SGTA: variants seen among roughly 807,000 people sequenced by gnomAD.
The protein encoded by SGTA is small glutamine rich tetratricopeptide repeat co-chaperone alpha, also known as small glutamine-rich tetratricopeptide repeat-containing protein alpha.
SGTA carries 22 observed loss-of-function variants against 44.3 expected under a neutral mutation model. That is an observed-to-expected ratio of 0.50 (90% CI 0.36 to 0.71). SGTA has a LOEUF of 0.71. SGTA is among the 30% of genes least tolerant of loss of function. The pLI, the probability that SGTA is intolerant of heterozygous loss-of-function variation, is 0.00. For missense variants in SGTA, 341 were observed against 435.9 expected (o/e 0.78, Z 1.94); for synonymous variants, 174 against 177.6 (o/e 0.98, Z 0.16).
rs1915171604 is a variant in SGTA, at chr19:2,767,247, C to T, written c.208-27G>A. 6.4e-7 allele frequency: 1 copy of T among 1,554,988 alleles called. No individual in the cohort carries two copies. Among genetic ancestry groups the T allele is most frequent in the Middle Eastern group, 2.1e-4 (1 of 4,804 alleles). ...TGGACCCGGAGGCAAAGGCGGCCCG[C>T]TGTCCTCTCCTCCCAACCTGGCACC... On this transcript the variant is annotated intron_variant, in intron 3 of 11. Coordinates refer to ENST00000221566, the MANE Select transcript of SGTA (RefSeq NM_003021.4). The surrounding 1 kb of genome is among the most constrained non-coding windows in gnomAD (Gnocchi z 7.3).
Position 2,763,668 on chromosome 19 carries a change from G to C in SGTA, c.482C>G (p.Ala161Gly). ...AICIDPAYSK[A>G]YGRMGLALSS... ...AGGCACTCACCCCATCCTGCCGTAG[G>C]CCTTGCTGTAGGCCGGGTCAATGCA... The change falls in exon 6 of 12, where the codon GCC becomes GGC. Residue 161 changes from alanine to glycine, a missense_variant. By Grantham distance (60) the Ala-to-Gly change is moderately conservative. Coordinates refer to ENST00000221566, the MANE Select transcript of SGTA (RefSeq NM_003021.4). This position sits in a 1 kb window ranked among gnomAD's most constrained non-coding sequence, Gnocchi z 5.8. 1 of 1,612,954 alleles carries C rather than the reference G, an allele frequency of 6.2e-7. No homozygotes were observed. The highest frequency in any genetic ancestry group is 8.5e-7 in the Non-Finnish European group (1 of 1,179,350).
intron 2 of SGTA, among the ~76,000 whole-genome samples, chr19:2,768,492 C>G (rs1915211542): frequency 6.6e-6 from 1 of 152,176 alleles, no homozygotes; most frequent in South Asian, 2.1e-4. Context: ...TCCCTCCGAG[C>G]CCCGGATCCA....
intron 11 of SGTA, among the ~76,000 whole-genome samples, chr19:2,756,973 G>A (rs1003549419): frequency 6.6e-6 from 1 of 152,146 alleles, no homozygotes; most frequent in Non-Finnish European, 1.5e-5. Flanking sequence ...TGGCAGCCCC[G>A]ACACTGCAGA....
chr19:2,782,292 C>T (rs1280445232), intron 1 of SGTA, among the ~76,000 whole-genome samples: 1 of 151,962 alleles, frequency 6.6e-6, no homozygotes, highest in Non-Finnish European at 1.5e-5. Flanking sequence ...AACCACTGGT[C>T]AAGGGAGGGA....
At position 2,761,566 on chromosome 19, in the gene SGTA, G is replaced by A. The variant is rs1412714481; in HGVS notation, c.637-44C>T. The A allele has an allele frequency of 2.7e-6, 4 of 1,486,098 alleles. No individual in the cohort carries two copies. Among genetic ancestry groups the A allele is most frequent in the Non-Finnish European group, 3.7e-6 (4 of 1,087,924 alleles). The allele number at this position is 1,486,098 out of a possible 1,614,324, so 92.1% of individuals were successfully genotyped here. ...CTGGTTAGTGGGGCCTGGACCAGAG[G>A]CCACGGTGAATAACCCCCTGGAACT... is the stretch of plus-strand genomic sequence containing the variant. On this transcript the variant is annotated intron_variant, in intron 7 of 11. Coordinates refer to ENST00000221566, the MANE Select transcript of SGTA (RefSeq NM_003021.4). The surrounding 1 kb of genome is among the most constrained non-coding windows in gnomAD (Gnocchi z 5.7).
At chr19:2,768,704 G>GA (rs1408742510) in intron 2 of SGTA, among the ~76,000 whole-genome samples, 1 of 152,186 alleles carries the variant, frequency 6.6e-6, no homozygotes, top group Non-Finnish European at 1.5e-5. Context: ...TGGGGAGATG[G>GA]AAAAAAGCCA....
chr19:2,758,952 G>T (rs1222081641), intron 9 of SGTA, among the ~76,000 whole-genome samples: 2 of 152,162 alleles, frequency 1.3e-5, no homozygotes, highest in African/African-American at 4.8e-5. Context: ...GAGACAGGAA[G>T]GGGATGCGTG....
intron 1 of SGTA, among the ~76,000 whole-genome samples, chr19:2,778,722 G>A (rs1915501554): frequency 6.6e-6 from 1 of 152,274 alleles, no homozygotes; most frequent in South Asian, 2.1e-4. Context: ...AACTATGGAG[G>A]ATTGCTTGAG....
At chr19:2,759,750 C>G (rs1914933188) in intron 8 of SGTA, among the ~76,000 whole-genome samples, 1 of 152,114 alleles carries the variant, frequency 6.6e-6, no homozygotes, top group South Asian at 2.1e-4. Flanking sequence ...CGCTTGAGGT[C>G]AGGAGTTCGA....
intron 10 of SGTA, 62 bp from the exon 11 acceptor site, chr19:2,757,519 T>C (rs1336678308): frequency 6.3e-7 from 1 of 1,579,220 alleles, no homozygotes; most frequent in African/African-American, 1.3e-5. Context: ...CCTCCGTCCA[T>C]CCCCAGCTGA....
chr19:2,756,859 A>T (rs1323067203), intron 11 of SGTA, among the ~76,000 whole-genome samples: 1 of 152,204 alleles, frequency 6.6e-6, no homozygotes, highest in East Asian at 1.9e-4. Context: ...AGAAAAGGAC[A>T]AAAAATCCCT....
rs1489216622 is a variant in SGTA at position 2,767,808 on chromosome 19, A to G, written c.101-122T>C. On this transcript the variant is annotated intron_variant, in intron 2 of 11. Transcript: ENST00000221566. The surrounding 1 kb of genome is among the most constrained non-coding windows in gnomAD (Gnocchi z 7.3). ...GTGTGTTCATTCCCAAGGACCCCAG[A>G]ACGCAGGGGCCGCCGCCTGTGCTCT... The G allele has an allele frequency of 4.1e-6, 3 of 735,226 alleles. No individual in the cohort carries two copies. Among genetic ancestry groups the G allele is most frequent in the East Asian group, 5.4e-5 (2 of 37,110 alleles). 45.5% of individuals were successfully genotyped at this position (735,226 alleles called of 1,614,324 possible).
rs968272342 is a variant in SGTA, at chr19:2,761,796, C to G, written c.637-274G>C. ...TTATTCCCCGCACAGCGCGACCGCC[C>G]GGGGACGGCACAGTCTATCATCCCG... On this transcript the variant is annotated intron_variant, in intron 7 of 11. Transcript: ENST00000221566. The surrounding 1 kb of genome is among the most constrained non-coding windows in gnomAD (Gnocchi z 5.7). Among the ~76,000 whole-genome samples the G allele has an allele frequency of 1.4e-5, 2 of 146,652 alleles. No homozygotes were observed. Among genetic ancestry groups the G allele is most frequent in the Non-Finnish European group, 3.0e-5 (2 of 66,552 alleles).
chr19:2,779,142 C>T (rs778283638), intron 1 of SGTA, among the ~76,000 whole-genome samples: 10 of 152,164 alleles, frequency 6.6e-5, no homozygotes, highest in Admixed American at 2.6e-4. Context: ...CTGATGGCCA[C>T]TAAGTGGGAA....
At chr19:2,759,189 G>A (rs1914914064) in intron 9 of SGTA, 68 bp downstream of exon 9, 1 of 1,435,308 alleles carries the variant, frequency 7.0e-7, no homozygotes, top group Non-Finnish European at 9.8e-7. Flanking sequence ...TTTATGTTAA[G>A]TGAATTTACC....
At chr19:2,781,843 A>ATTTT (rs145357262) in intron 1 of SGTA, among the ~76,000 whole-genome samples, 1 of 142,804 alleles carries the variant, frequency 7.0e-6, no homozygotes, top group African/African-American at 2.6e-5. Flanking sequence ...TCTAGGGTAG[A>ATTTT]TTTTTTTTTT....
At chr19:2,774,119 T>A (rs1331278268) in intron 1 of SGTA, among the ~76,000 whole-genome samples, 2 of 152,210 alleles carry the variant, frequency 1.3e-5, no homozygotes, top group Non-Finnish European at 1.5e-5. Context: ...GAACTCTGTT[T>A]CAGCTGCCTG....
At chr19:2,772,650 C>T (rs1197019519) in intron 1 of SGTA, among the ~76,000 whole-genome samples, 2 of 152,262 alleles carry the variant, frequency 1.3e-5, no homozygotes, top group African/African-American at 4.8e-5. Context: ...GGTAAGATGA[C>T]ATCATACCAG....
chr19:2,781,256 T>C (rs1382186199), intron 1 of SGTA, among the ~76,000 whole-genome samples: 6 of 152,192 alleles, frequency 3.9e-5, no homozygotes, highest in Non-Finnish European at 8.8e-5. Flanking sequence ...TCTAGGAAGA[T>C]TTAATTATAA....
Sources: allele counts gnomAD v4.1 joint callset (sites outside exome capture counted in the v4.1 genomes callset), GRCh38; gene constraint gnomAD v4.1.1; non-coding constraint Gnocchi (gnomAD v3.1); transcripts MANE v1.5; gene names NCBI Gene and HGNC (gene_info 2026-07-23, HGNC 2026-07-21).